SIRPG: variants seen among roughly 807,000 people sequenced by gnomAD.
SIRPG encodes the protein signal regulatory protein gamma, also known as signal-regulatory protein gamma.
A neutral mutation model predicts 35.7 loss-of-function variants in SIRPG; 38 were observed. The observed-to-expected ratio is 1.06, with a 90% CI of 0.82 to 1.40. The LOEUF (loss-of-function observed/expected upper bound fraction) is 1.40, where lower values mean the gene tolerates loss of function less well. Ranked by LOEUF, SIRPG falls within the 40% of genes most tolerant of loss-of-function variation. The probability of loss-of-function intolerance (pLI) is 0.00; values close to 1 mark genes in which losing one functional copy is unlikely to be tolerated. For synonymous variants in SIRPG, 215 were observed against 190.4 expected, an observed-to-expected ratio of 1.13 and a Z score of -1.06; for missense variants, 519 against 483.0, an observed-to-expected ratio of 1.07 and a Z score of -0.70.
chr20:1,685,908 G>C, the SIRPG span, among the ~76,000 whole-genome samples: 1 of 152,158 alleles, frequency 6.6e-6, no homozygotes, highest in Non-Finnish European at 1.5e-5. Context: ...AGCTCACTCT[G>C]TGGCCTTGGG....
At chr20:1,644,343 C>T (rs1300500657) in intron 2 of SIRPG, among the ~76,000 whole-genome samples, 1 of 152,204 alleles carries the variant, frequency 6.6e-6, no homozygotes, top group Non-Finnish European at 1.5e-5. Context: ...ACTCTGGCCG[C>T]AGTTTGCCAC....
intron 1 of SIRPG, among the ~76,000 whole-genome samples, chr20:1,657,138 A>T (rs767232583): frequency 6.6e-6 from 1 of 152,162 alleles, no homozygotes; most frequent in Non-Finnish European, 1.5e-5. Flanking sequence ...AGCCAAGGAG[A>T]AAGACCTCAG....
intron 4 of SIRPG, among the ~76,000 whole-genome samples, chr20:1,632,778 C>A (rs1211152013): frequency 6.6e-6 from 1 of 151,802 alleles, no homozygotes; most frequent in Non-Finnish European, 1.5e-5. Context: ...TAAACGGAGG[C>A]AAAGGAATGA....
intron 1 of SIRPG, among the ~76,000 whole-genome samples, chr20:1,653,861 G>T (rs2091958126): frequency 6.6e-6 from 1 of 152,290 alleles, no homozygotes; most frequent in East Asian, 1.9e-4. Context: ...GGTCACATGA[G>T]ATTTATCTCA....
intron 2 of SIRPG, among the ~76,000 whole-genome samples, chr20:1,642,709 G>T (rs1201329556): frequency 2.0e-5 from 3 of 152,126 alleles, no homozygotes; most frequent in East Asian, 1.9e-4. Context: ...GGCTGGTACC[G>T]GTTTTTCCTT....
upstream of SIRPG, among the ~76,000 whole-genome samples, chr20:1,660,616 A>C (rs2091993545): frequency 6.6e-6 from 1 of 152,216 alleles, no homozygotes; most frequent in African/African-American, 2.4e-5. Context: ...AGATGCTTAC[A>C]ATTTTTGTGG....
intron 2 of SIRPG, among the ~76,000 whole-genome samples, chr20:1,639,082 C>T (rs1487295025): frequency 2.6e-5 from 4 of 152,108 alleles, no homozygotes; most frequent in Non-Finnish European, 5.9e-5. Flanking sequence ...AATAAACATA[C>T]ATGTGCATGT....
chr20:1,648,991 G>T, intron 2 of SIRPG, 61 bp downstream of exon 2: 4 of 1,369,876 alleles, frequency 2.9e-6, no homozygotes, highest in Non-Finnish European at 4.1e-6. Flanking sequence ...AAGAATGGAA[G>T]GTGTTACTAT....
At chr20:1,665,777 A>C in the SIRPG span, among the ~76,000 whole-genome samples, 1 of 152,218 alleles carries the variant, frequency 6.6e-6, no homozygotes, top group African/African-American at 2.4e-5. Flanking sequence ...CACAAGTTTA[A>C]AAGCCCTTTG....
At chr20:1,669,919 G>A in the SIRPG span, 1 of 200,526 alleles carries the variant, frequency 5.0e-6, no homozygotes. Flanking sequence ...CCTCACCAAG[G>A]GTGGCCTCTG....
chr20:1,671,534 G>T, the SIRPG span, among the ~76,000 whole-genome samples: 3 of 152,086 alleles, frequency 2.0e-5, no homozygotes, highest in African/African-American at 7.2e-5. Context: ...AGACCAGCTC[G>T]GTCAGGGAGA....
intron 2 of SIRPG, among the ~76,000 whole-genome samples, chr20:1,648,733 G>T (rs896985722): frequency 3.3e-5 from 5 of 152,200 alleles, no homozygotes; most frequent in Admixed American, 2.0e-4. Flanking sequence ...TTCTGGCCCC[G>T]TACCTGGGCA....
At chr20:1,675,536 C>T in the SIRPG span, among the ~76,000 whole-genome samples, 1 of 152,148 alleles carries the variant, frequency 6.6e-6, no homozygotes, top group Non-Finnish European at 1.5e-5. Context: ...CTTTAAAAAG[C>T]ATAGCTGAGG....
the SIRPG span, among the ~76,000 whole-genome samples, chr20:1,674,818 C>T: frequency 6.6e-6 from 1 of 152,180 alleles, no homozygotes; most frequent in Non-Finnish European, 1.5e-5. Context: ...CAGAGAGAAC[C>T]TCAAATCCTA....
chr20:1,649,798 G>C (rs527992944), intron 1 of SIRPG, among the ~76,000 whole-genome samples: 1 of 149,876 alleles, frequency 6.7e-6, no homozygotes, highest in South Asian at 2.1e-4. Context: ...CACCATGCCA[G>C]GTTAAGCTTT....
At chr20:1,682,163 T>C in the SIRPG span, among the ~76,000 whole-genome samples, 57,904 of 151,984 alleles carry the variant, frequency 0.38, 12,542 homozygotes, top group Admixed American at 0.49. Flanking sequence ...TTGGGGGACT[T>C]TGAGGGGTAA....
At position 1,657,670 on chromosome 20, in the gene SIRPG, C is replaced by A; in HGVS notation, c.45G>T (p.Leu15=). ...TAAGTCCCAGCAGTAGAGTCAGAAG[C>A]AGGAAAGGACCAGGAGGATGGGGCC... is the stretch of plus-strand genomic sequence containing the variant. ...ASWPHPPGPF[L]LLTLLLGLTE... Residue 15 remains leucine (L), a synonymous_variant, in exon 1 of 6, where the codon CTG becomes CTT. Coordinates refer to ENST00000303415, the MANE Select transcript of SIRPG (RefSeq NM_018556.4). 1 of 1,614,180 alleles carries A rather than the reference C, an allele frequency of 6.2e-7. No individual in the cohort carries two copies.
Position 1,641,269 on chromosome 20 carries a change from T to C in SIRPG, c.431-4764A>G, listed in dbSNP as rs559802094. Reference sequence around the variant, plus strand: ...TTTTTTTGGTTGGTAGGCTATTAATTACTGCCTCAATTTCAGAACTTGTTA... The same window carrying C: ...TTTTTTTGGTTGGTAGGCTATTAATCACTGCCTCAATTTCAGAACTTGTTA... On this transcript the variant is annotated intron_variant, in intron 2 of 5. Coordinates refer to ENST00000303415, the MANE Select transcript of SIRPG (RefSeq NM_018556.4). 1.6e-4 allele frequency among the ~76,000 whole-genome samples: 25 copies of C among 152,342 alleles called. No individual in the cohort carries two copies. In the South Asian group the frequency reaches 4.8e-3, roughly 29 times the overall value.
chr20:1,682,002 C>T, the SIRPG span, among the ~76,000 whole-genome samples: 4 of 152,092 alleles, frequency 2.6e-5, no homozygotes, highest in South Asian at 6.2e-4. Context: ...TGCTATAGGC[C>T]GAAGTTTCTG....
Sources: gnomAD v4.1 joint callset for allele counts (sites outside exome capture counted in the v4.1 genomes callset) on GRCh38, gnomAD v4.1.1 for gene constraint, MANE v1.5 for transcripts, NCBI Gene and HGNC (gene_info 2026-07-23, HGNC 2026-07-21) for gene names.